SMYD3: variants seen among roughly 807,000 people sequenced by gnomAD.
SMYD3 encodes histone-lysine N-methyltransferase SMYD3.
A neutral mutation model predicts 57.7 loss-of-function variants in SMYD3; 36 were observed. The observed-to-expected ratio is 0.62, with a 90% confidence interval of 0.48 to 0.82. The LOEUF (loss-of-function observed/expected upper bound fraction) is 0.82. SMYD3 is among the 40% of genes least tolerant of loss of function. The probability of loss-of-function intolerance (pLI) is 0.00; values close to 1 mark genes in which losing one functional copy is unlikely to be tolerated. For synonymous variants in SMYD3, 211 were observed against 195.0 expected, an observed-to-expected ratio of 1.08 and a Z score of -0.68; for missense variants, 515 against 538.8, an observed-to-expected ratio of 0.96 and a Z score of 0.44.
At chr1:246,277,482 A>C (rs545667148) in intron 5 of SMYD3, among the ~76,000 whole-genome samples, 4 of 152,158 alleles carry the variant, frequency 2.6e-5, no homozygotes, top group Non-Finnish European at 4.4e-5. Flanking sequence ...ACCACCAACA[A>C]CAACAACAAA....
rs375970843 is a variant in SMYD3 at position 245,792,453 on chromosome 1, T to C, written c.1077-28304A>G. ...GTAAATTACCATGCCTAATTCTTTA[T>C]GCCACAATAGACTCCAAAAACAGAC... On this transcript the variant is annotated intron_variant, in intron 10 of 11. Transcript: ENST00000490107. 1.2e-4 allele frequency among the ~76,000 whole-genome samples: 18 copies of C among 152,320 alleles called. No homozygotes were observed. The South Asian group carries it at 3.3e-3, about 28-fold the overall frequency.
chr1:246,334,704 CT>C (rs781747679), intron 3 of SMYD3, among the ~76,000 whole-genome samples: 6 of 152,162 alleles, frequency 3.9e-5, no homozygotes, highest in Non-Finnish European at 2.9e-5. Context: ...CATGTACCCC[CT>C]GAATCTAAAA....
chr1:246,344,270 C>T (rs12044995), intron 2 of SMYD3, among the ~76,000 whole-genome samples: 28,363 of 152,016 alleles, frequency 0.19, 3,108 homozygotes, highest in East Asian at 0.43. Flanking sequence ...TCCCTTGTGC[C>T]CCTTACATTC....
intron 10 of SMYD3, among the ~76,000 whole-genome samples, chr1:245,793,169 C>T (rs1465795589): frequency 1.3e-5 from 2 of 149,686 alleles, no homozygotes; most frequent in African/African-American, 2.5e-5. Context: ...ATGAGCCGGG[C>T]ATGGTGGCGG....
At chr1:245,822,559 A>G (rs1294894894) in intron 10 of SMYD3, among the ~76,000 whole-genome samples, 2 of 151,492 alleles carry the variant, frequency 1.3e-5, no homozygotes, top group Non-Finnish European at 2.9e-5. Context: ...ATAAAAGAAA[A>G]AAAAAAAAAG....
At chr1:246,118,420 T>A (rs77831746) in intron 5 of SMYD3, among the ~76,000 whole-genome samples, 4,944 of 152,216 alleles carry the variant, frequency 0.032, 280 homozygotes, top group African/African-American at 0.11. Context: ...CCTAGAAGCC[T>A]CCATTAAATC....
At chr1:246,002,090 C>T (rs533701583) in intron 5 of SMYD3, among the ~76,000 whole-genome samples, 1 of 152,216 alleles carries the variant, frequency 6.6e-6, no homozygotes, top group Admixed American at 6.5e-5. Flanking sequence ...TGAGACATTG[C>T]CAAATTCACT....
intron 5 of SMYD3, among the ~76,000 whole-genome samples, chr1:246,060,637 T>C (rs2148352042): frequency 6.6e-6 from 1 of 152,302 alleles, no homozygotes; most frequent in Middle Eastern, 3.4e-3. Flanking sequence ...ATTTCTCCTT[T>C]GGTTATCATT....
Position 246,342,230 on chromosome 1 carries a change from G to A in SMYD3, c.229-6756C>T, listed in dbSNP as rs189105360. ...ATAATATTAACTAAACATCTTCTAC[G>A]TGAAATATCACAGTGATTTTTTTCC... On this transcript the variant is annotated intron_variant, in intron 2 of 11. Coordinates refer to ENST00000490107, the MANE Select transcript of SMYD3 (RefSeq NM_001167740.2). Among the ~76,000 whole-genome samples the A allele has an allele frequency of 5.3e-5, 8 of 152,206 alleles. No homozygotes were observed. The East Asian group carries it at 7.7e-4, about 15-fold the overall frequency.
chr1:245,765,160 C>T (rs560469992), intron 10 of SMYD3, among the ~76,000 whole-genome samples: 4 of 149,850 alleles, frequency 2.7e-5, no homozygotes, highest in South Asian at 2.1e-4. Context: ...CCGAGGCAGG[C>T]GGATTGCTTG....
At chr1:246,088,058 G>A (rs2060749599) in intron 5 of SMYD3, among the ~76,000 whole-genome samples, 1 of 152,120 alleles carries the variant, frequency 6.6e-6, no homozygotes, top group South Asian at 2.1e-4. Context: ...TCCTCTGTGA[G>A]CCCCTTTGAC....
At chr1:246,242,279 T>C (rs1339370746) in intron 5 of SMYD3, among the ~76,000 whole-genome samples, 3 of 152,220 alleles carry the variant, frequency 2.0e-5, no homozygotes, top group Non-Finnish European at 4.4e-5. Flanking sequence ...CCAGAGATTC[T>C]GGCATGTTGT....
chr1:245,934,192 T>C (rs1043693362), intron 5 of SMYD3, among the ~76,000 whole-genome samples: 6 of 152,308 alleles, frequency 3.9e-5, no homozygotes, highest in East Asian at 3.9e-4. Context: ...GGACTAAATA[T>C]GAGTTTTCAA....
At chr1:245,993,599 T>TAGATATAC (rs2058855588) in intron 5 of SMYD3, among the ~76,000 whole-genome samples, 1 of 45,672 alleles carries the variant, frequency 2.2e-5, no homozygotes, top group African/African-American at 5.0e-5. Flanking sequence ...GATAGATAGA[T>TAGATATAC]AGATAGATAG....
intron 5 of SMYD3, among the ~76,000 whole-genome samples, chr1:245,955,378 G>A (rs757202876): frequency 4.6e-5 from 7 of 152,162 alleles, no homozygotes; most frequent in South Asian, 2.1e-4. Context: ...GCGCCTGGCC[G>A]CCCATGTGGT....
chr1:246,129,725 G>C (rs969227170), intron 5 of SMYD3, among the ~76,000 whole-genome samples: 2 of 151,416 alleles, frequency 1.3e-5, no homozygotes, highest in African/African-American at 4.9e-5. Context: ...GTCTGTTCAC[G>C]TAACATGAAT....
chr1:246,020,024 T>C (rs999120245), intron 5 of SMYD3, among the ~76,000 whole-genome samples: 9 of 152,238 alleles, frequency 5.9e-5, no homozygotes, highest in African/African-American at 2.2e-4. Context: ...AAGAGTTTAC[T>C]ATCATCTTCA....
At chr1:246,121,085 G>A (rs12045835) in intron 5 of SMYD3, among the ~76,000 whole-genome samples, 3,093 of 152,204 alleles carry the variant, frequency 0.02, 147 homozygotes, top group East Asian at 0.15. Flanking sequence ...CATGAATACA[G>A]CTTTTAAGAC....
chr1:245,754,602 A>G (rs2045531966), intron 11 of SMYD3, among the ~76,000 whole-genome samples: 1 of 152,190 alleles, frequency 6.6e-6, no homozygotes, highest in African/African-American at 2.4e-5. Flanking sequence ...GACAGCAGAG[A>G]ATCCCAAAGA....
Sources: gnomAD v4.1 joint callset for allele counts (sites outside exome capture counted in the v4.1 genomes callset) on GRCh38, gnomAD v4.1.1 for gene constraint, MANE v1.5 for transcripts, NCBI Gene and HGNC (gene_info 2026-07-23, HGNC 2026-07-21) for gene names.